Variants in COL17A1 observed in about 807,000 individuals in gnomAD.
COL17A1 encodes collagen alpha-1(XVII) chain.
Under a neutral mutation model 218.4 loss-of-function variants are expected in COL17A1, and 181 were observed. The ratio of observed to expected loss-of-function variants is 0.83; its 90% CI spans 0.73 to 0.94. The LOEUF is 0.94. Among genes scored for constraint, COL17A1 ranks in the 40% least tolerant of loss-of-function variants. The pLI, the probability that COL17A1 is intolerant of heterozygous loss-of-function variation, is 0.00. For synonymous variants in COL17A1, 721 were observed against 731.0 expected (o/e 0.99, Z 0.22); for missense variants, 1,924 against 1,945.9 (o/e 0.99, Z 0.21).
chr10:104,057,755 T>C (rs1385981478), intron 16 of COL17A1, among the ~76,000 whole-genome samples: 1 of 152,148 alleles, frequency 6.6e-6, no homozygotes, highest in African/African-American at 2.4e-5. Flanking sequence ...GACCTGCTTC[T>C]ATCACACGGC....
chr10:104,042,486 A>C (rs373458645), intron 35 of COL17A1, 31 bp from the exon 36 acceptor site: 7 of 1,612,432 alleles, frequency 4.3e-6, no homozygotes, highest in African/African-American at 2.7e-5. Flanking sequence ...GAAAAGGCTA[A>C]ATCATGCATG....
chr10:104,052,030 C>A, intron 24 of COL17A1, 125 bp downstream of exon 24: 1 of 1,308,448 alleles, frequency 7.6e-7, no homozygotes, highest in Non-Finnish European at 1.1e-6. Flanking sequence ...CACCCACCAC[C>A]CCTGCACAGG....
intron 33 of COL17A1, 97 bp from the exon 34 acceptor site, chr10:104,043,957 C>G: frequency 7.5e-7 from 1 of 1,327,538 alleles, no homozygotes; most frequent in East Asian, 2.3e-5. Context: ...TTGGGACCCA[C>G]TTCTGGGCCT....
chr10:104,076,669 T>C (rs958880431), intron 4 of COL17A1, among the ~76,000 whole-genome samples: 2 of 152,154 alleles, frequency 1.3e-5, no homozygotes, highest in Non-Finnish European at 2.9e-5. Flanking sequence ...TTTGGCAGGA[T>C]TTTTCTTGTA....
chr10:104,076,213 C>A, intron 5 of COL17A1, 88 bp downstream of exon 5: 1 of 1,601,882 alleles, frequency 6.2e-7, no homozygotes, highest in Non-Finnish European at 8.5e-7. Flanking sequence ...AGGGCAGACA[C>A]AGGTGGCCAG....
intron 41 of COL17A1, 148 bp from the exon 42 acceptor site, chr10:104,039,788 A>G (rs1589559116): frequency 9.3e-7 from 1 of 1,070,264 alleles, no homozygotes; most frequent in Non-Finnish European, 1.4e-6. Context: ...ACACACACAC[A>G]CACACACGCA....
chr10:104,053,096 C>A lies in COL17A1; in HGVS notation c.1874G>T (p.Arg625Leu), dbSNP rs755190818. Reference sequence around the variant, plus strand: ...ACCACGAGGTCCCATGGGGCCTTCTCGCCCTCTCTGGCCCATGGGGCCTTC... The same window carrying A: ...ACCACGAGGTCCCATGGGGCCTTCTAGCCCTCTCTGGCCCATGGGGCCTTC... ...GMEGPMGQRG[R>L]EGPMGPRGEA... The change falls in exon 23 of 56, where the codon CGA becomes CTA. Residue 625 changes from arginine (R) to leucine (L), a missense_variant. By Grantham distance (102) the Arg-to-Leu change is moderately radical. Transcript: ENST00000648076. 2 of 1,613,746 alleles carry A rather than the reference C, an allele frequency of 1.2e-6. No homozygotes were observed. The highest frequency in any genetic ancestry group is 2.7e-5 in the African/African-American group (2 of 74,926).
Position 104,057,100 on chromosome 10 carries a change from CCGCCGCCAG to C in COL17A1, c.1331_1339del (p.Ala444_Gly446del). Reference sequence around the variant, plus strand: ...CCAGGCTGGCGCTGGTCCCCAAGGGCCGCCGCCAGCGCCACCAACACCGCCACCTCCTCC... The same window carrying C: ...CCAGGCTGGCGCTGGTCCCCAAGGGCCGCCACCAACACCGCCACCTCCTCC... On this transcript the variant is annotated inframe_deletion, in exon 17 of 56. Coordinates refer to ENST00000648076, the MANE Select transcript of COL17A1 (RefSeq NM_000494.4). 6.2e-7 allele frequency: 1 copy of C among 1,612,830 alleles called. No individual in the cohort carries two copies. The highest frequency in any genetic ancestry group is 8.5e-7 in the Non-Finnish European group (1 of 1,179,274).
Position 104,048,339 on chromosome 10 carries a change from T to A in COL17A1, c.2228-235A>T, listed in dbSNP as rs77721876. ...AATTGTTCAGTGCCTTCCCATTGCATCTCAAGCGCCTCGATGCTCAATGCT... is the reference window on the plus strand; with the variant it reads ...AATTGTTCAGTGCCTTCCCATTGCAACTCAAGCGCCTCGATGCTCAATGCT... On this transcript the variant is annotated intron_variant, in intron 29 of 55. Transcript: ENST00000648076. Among the ~76,000 whole-genome samples the A allele has an allele frequency of 2.6e-5, 4 of 152,338 alleles. No homozygotes were observed. The South Asian group carries it at 8.3e-4, about 32-fold the overall frequency.
intron 10 of COL17A1, 38 bp from the exon 11 acceptor site, chr10:104,063,856 C>G: frequency 6.2e-7 from 1 of 1,613,296 alleles, no homozygotes; most frequent in Middle Eastern, 1.7e-4. Context: ...AGAGGGACAT[C>G]TGGCCCAGAT....
intron 4 of COL17A1, among the ~76,000 whole-genome samples, chr10:104,077,085 A>G: frequency 6.6e-6 from 1 of 152,108 alleles, no homozygotes; most frequent in East Asian, 1.9e-4. Flanking sequence ...GCTTAAAGGG[A>G]GTGATTTAGT....
rs1275129721 is a variant in COL17A1 at position 104,070,420 on chromosome 10, A to T, written c.607+6T>A. The T allele has an allele frequency of 6.2e-7, 1 of 1,613,240 alleles. No individual in the cohort carries two copies. Among genetic ancestry groups the T allele is most frequent in the Admixed American group, 1.7e-5 (1 of 60,024 alleles). On this transcript the variant is annotated splice_donor_region_variant and intron_variant, in intron 9 of 55. Coordinates refer to ENST00000648076, the MANE Select transcript of COL17A1 (RefSeq NM_000494.4). ...ACTCCTCGGCAGCCTGGGCTGTCAGACTTACCCGACTGGGAGCTCGCTGTC... is the reference window on the plus strand; with the variant it reads ...ACTCCTCGGCAGCCTGGGCTGTCAGTCTTACCCGACTGGGAGCTCGCTGTC...
chr10:104,034,363 A>G (rs1039207664), intron 51 of COL17A1, 29 bp from the exon 52 acceptor site: 1 of 1,535,938 alleles, frequency 6.5e-7, no homozygotes, highest in Non-Finnish European at 8.7e-7. Context: ...CATGAGTGGG[A>G]GCTCAGATCT....
rs1208678364 is a variant in COL17A1 at position 104,055,002 on chromosome 10, T to C, written c.1723A>G (p.Met575Val). The change falls in exon 20 of 56, where the codon ATG (methionine) becomes GTG (valine). Residue 575 changes from methionine (M) to valine (V), a missense_variant. Coordinates refer to ENST00000648076, the MANE Select transcript of COL17A1 (RefSeq NM_000494.4). ...TTACCTTTAGGGCCTGGACTTCCCA[T>C]GTCACCTGAAACCAGAAAGATATGA... Reference protein sequence around the residue: ...LRGSPGPKGDMGSPGPKGDRG... With the variant: ...LRGSPGPKGDVGSPGPKGDRG... 3.1e-6 allele frequency: 5 copies of C among 1,614,088 alleles called. No individual in the cohort carries two copies. Among genetic ancestry groups the C allele is most frequent in the Non-Finnish European group, 2.5e-6 (3 of 1,180,022 alleles).
chr10:104,062,110 T>C lies in COL17A1; in HGVS notation c.910+148A>G, dbSNP rs148377238. 1.8e-5 allele frequency: 22 copies of C among 1,215,152 alleles called. No individual in the cohort carries two copies. In the African/African-American group the frequency reaches 2.7e-4, roughly 15 times the overall value. 75.3% of individuals were successfully genotyped at this position (1,215,152 alleles called of 1,614,324 possible). The stretch of plus-strand genomic sequence containing the variant: ...CTTGACTCATGTCTGAGCCAGTTAA[T>C]GATCAAGATTGATATCTTGAGTGTT... On this transcript the variant is annotated intron_variant, in intron 12 of 55. Transcript: ENST00000648076.
At chr10:104,085,102 T>C (rs2086794853) in intron 1 of COL17A1, among the ~76,000 whole-genome samples, 1 of 152,236 alleles carries the variant, frequency 6.6e-6, no homozygotes, top group Non-Finnish European at 1.5e-5. Context: ...TTCTTCCTTT[T>C]TTTATTCCTC....
Position 104,032,270 on chromosome 10 carries a change from G to A in COL17A1, c.4459C>T (p.Arg1487Trp), listed in dbSNP as rs1316347816. The A allele has an allele frequency of 5.6e-6, 9 of 1,613,874 alleles. No homozygotes were observed. The highest frequency in any genetic ancestry group is 2.2e-5 in the South Asian group (2 of 91,086). The change falls in exon 56 of 56, where the codon CGG (arginine) becomes TGG (tryptophan). Residue 1487 changes from arginine to tryptophan, a missense_variant. By Grantham distance (101) the Arg-to-Trp change is moderately radical. Coordinates refer to ENST00000648076, the MANE Select transcript of COL17A1 (RefSeq NM_000494.4). ...GDKGDQVYAGRRRRRSIAVKP is the reference protein window; with the variant it reads ...GDKGDQVYAGWRRRRSIAVKP ...ACAGCAATACTTCTTCTCCTTCTCC[G>A]CCCAGCATAGACTTGGTCACCTGAA...
At position 104,050,069 on chromosome 10, in the gene COL17A1, G is replaced by C. The variant is rs2086452858; in HGVS notation, c.2164+20C>G. On this transcript the variant is annotated intron_variant, in intron 28 of 55. Transcript: ENST00000648076. ...CAAAAGTCGTGGATAGATTAAAGTA[G>C]ATTCCCATGACAGACTGACCTGTGA... 6.2e-7 allele frequency: 1 copy of C among 1,614,090 alleles called. No homozygotes were observed. The highest frequency in any genetic ancestry group is 1.3e-5 in the African/African-American group (1 of 75,038).
intron 33 of COL17A1, among the ~76,000 whole-genome samples, chr10:104,044,424 G>A (rs917165743): frequency 6.6e-6 from 1 of 152,326 alleles, no homozygotes; most frequent in Admixed American, 6.5e-5. Flanking sequence ...GAGAACTTTC[G>A]AGAAGAGGAC....
Sources: allele counts gnomAD v4.1 joint callset (sites outside exome capture counted in the v4.1 genomes callset), GRCh38; gene constraint gnomAD v4.1.1; transcripts MANE v1.5; gene names NCBI Gene and HGNC (gene_info 2026-07-23, HGNC 2026-07-21).